Variants in MYOM2 observed in about 807,000 individuals in gnomAD.
MYOM2 encodes the protein myomesin 2.
MYOM2 carries 254 observed loss-of-function variants against 187.6 expected under a neutral mutation model. The ratio of observed to expected loss-of-function variants is 1.35; its 90% CI spans 1.22 to 1.50. The LOEUF (loss-of-function observed/expected upper bound fraction) is 1.50, where lower values mean the gene tolerates loss of function less well. Among genes scored for constraint, MYOM2 ranks in the 40% most tolerant of loss-of-function variants. The pLI is 0.00. For missense variants in MYOM2, 2,796 were observed against 1,924.0 expected, an observed-to-expected ratio of 1.45 and a Z score of -8.48; for synonymous variants, 981 against 753.8, an observed-to-expected ratio of 1.30 and a Z score of -4.94.
chr8:2,085,543 C>CCT (rs1554546497), intron 14 of MYOM2, among the ~76,000 whole-genome samples, 153 bp downstream of exon 14: 9 of 35,768 alleles, frequency 2.5e-4, no homozygotes, highest in African/African-American at 6.0e-4. Flanking sequence ...CTCTGCGTGG[C>CCT]CCCACTGTCA....
intron 32 of MYOM2, among the ~76,000 whole-genome samples, chr8:2,136,783 T>C (rs1054241647): frequency 2.0e-5 from 3 of 152,226 alleles, no homozygotes; most frequent in East Asian, 1.9e-4. Context: ...AAATTATGTT[T>C]CTTTTTCTGT....
At chr8:2,067,052 C>G (rs1032020331) in intron 6 of MYOM2, among the ~76,000 whole-genome samples, 7 of 152,130 alleles carry the variant, frequency 4.6e-5, no homozygotes, top group African/African-American at 9.7e-5. Context: ...ATGGTTTTAT[C>G]TGACATATTG....
In MYOM2 at chr8:2,056,260, A is replaced by G. The variant is rs149023711; in HGVS notation, c.264-1088A>G. On this transcript the variant is annotated intron_variant, in intron 3 of 36. Transcript: ENST00000262113. ...ATCTGAGATGGGTGTTGGAGGAAGG[A>G]TGGAGTTTTGATTGAAAGGGATGGC... 2.1e-3 allele frequency among the ~76,000 whole-genome samples: 321 copies of G among 152,242 alleles called. 3 individuals carry two copies. The highest frequency in any genetic ancestry group is 7.3e-3 in the African/African-American group (304 of 41,538).
Position 2,057,662 on chromosome 8 carries a change from G to C in MYOM2, c.442G>C (p.Glu148Gln). Residue 148 changes from glutamate to glutamine, a missense_variant, in exon 5 of 37, where the codon GAG (glutamate) becomes CAG (glutamine). Transcript: ENST00000262113. ...KLAWERHTFE[E>Q]RISRAPEILV... ...GGCCTGGGAGAGACACACATTTGAA[G>C]AGCGGATAAGCAGGGCTCCTGAGAT... 3.1e-6 allele frequency: 5 copies of C among 1,614,160 alleles called. No individual in the cohort carries two copies. The highest frequency in any genetic ancestry group is 1.3e-5 in the African/African-American group (1 of 75,044).
intron 5 of MYOM2, 33 bp from the exon 6 acceptor site, chr8:2,059,120 C>A: frequency 1.3e-6 from 2 of 1,586,984 alleles, no homozygotes; most frequent in Non-Finnish European, 1.7e-6. Flanking sequence ...TACAACTCTG[C>A]CTTTAAACTA....
intron 28 of MYOM2, among the ~76,000 whole-genome samples, chr8:2,122,685 G>A (rs1797497570): frequency 6.6e-6 from 1 of 152,142 alleles, no homozygotes; most frequent in South Asian, 2.1e-4. Flanking sequence ...GCCGGAGCAT[G>A]TGAATTGGAA....
At chr8:2,136,008 C>G (rs1348151505) in intron 32 of MYOM2, among the ~76,000 whole-genome samples, 1 of 152,188 alleles carries the variant, frequency 6.6e-6, no homozygotes, top group African/African-American at 2.4e-5. Flanking sequence ...GGGTTGCAGA[C>G]GCAGGGACAG....
chr8:2,112,078 T>G (rs1335240570), intron 25 of MYOM2, among the ~76,000 whole-genome samples: 1 of 152,142 alleles, frequency 6.6e-6, no homozygotes, highest in Non-Finnish European at 1.5e-5. Flanking sequence ...GCTTGGGCGG[T>G]CCTCTTCCTT....
Position 2,109,311 on chromosome 8 carries a change from A to C in MYOM2, c.3044-84A>C, listed in dbSNP as rs1007355634. 2.1e-6 allele frequency: 3 copies of C among 1,403,356 alleles called. No individual in the cohort carries two copies. The African/African-American group carries it at 4.4e-5, about 20-fold the overall frequency. 86.9% of individuals were successfully genotyped at this position (1,403,356 alleles called of 1,614,324 possible). The stretch of plus-strand genomic sequence containing the variant: ...CATTCTCAAAAATCTAATAACTAGG[A>C]TTGATATTTCCCTACAATTTGCAGG... On this transcript the variant is annotated intron_variant, in intron 24 of 36. Coordinates refer to ENST00000262113, the MANE Select transcript of MYOM2 (RefSeq NM_003970.4).
At chr8:2,065,468 G>T (rs376986599) in intron 6 of MYOM2, among the ~76,000 whole-genome samples, 16 of 152,254 alleles carry the variant, frequency 1.1e-4, no homozygotes, top group East Asian at 3.9e-4. Flanking sequence ...TACTCAGGAG[G>T]CTGAGGCAGG....
At chr8:2,130,572 A>G (rs994354417) in intron 32 of MYOM2, among the ~76,000 whole-genome samples, 1 of 152,238 alleles carries the variant, frequency 6.6e-6, no homozygotes, top group African/African-American at 2.4e-5. Flanking sequence ...AGTTGAAAGC[A>G]TGTATGTTCT....
chr8:2,108,205 C>A (rs1356459506), intron 23 of MYOM2, among the ~76,000 whole-genome samples: 3 of 151,976 alleles, frequency 2.0e-5, no homozygotes, highest in Admixed American at 6.5e-5. Flanking sequence ...GATTTTCTTA[C>A]CTTGCTCTTG....
intron 1 of MYOM2, among the ~76,000 whole-genome samples, chr8:2,049,873 G>A (rs1211673252): frequency 6.6e-6 from 1 of 152,090 alleles, no homozygotes; most frequent in African/African-American, 2.4e-5. Context: ...GAAAAAGATG[G>A]AACTCGCTCA....
chr8:2,070,390 C>A (rs146019846), intron 8 of MYOM2, among the ~76,000 whole-genome samples: 2 of 152,302 alleles, frequency 1.3e-5, no homozygotes, highest in Admixed American at 6.5e-5. Flanking sequence ...CCTCTGCTCG[C>A]GATTTCTGTG....
intron 1 of MYOM2, among the ~76,000 whole-genome samples, chr8:2,046,123 C>A (rs184295805): frequency 6.6e-6 from 1 of 152,364 alleles, no homozygotes; most frequent in East Asian, 1.9e-4. Flanking sequence ...CTCTAGAAAG[C>A]TTTAATTTGG....
At chr8:2,077,348 C>G (rs1280462052) in intron 11 of MYOM2, among the ~76,000 whole-genome samples, 1 of 151,720 alleles carries the variant, frequency 6.6e-6, no homozygotes, top group African/African-American at 2.4e-5. Context: ...AAAAACAAAA[C>G]AAAAAAACCA....
At chr8:2,093,785 A>G (rs1440419779) in intron 16 of MYOM2, among the ~76,000 whole-genome samples, 185 bp from the exon 17 acceptor site, 1 of 152,250 alleles carries the variant, frequency 6.6e-6, no homozygotes, top group Non-Finnish European at 1.5e-5. Flanking sequence ...AGCTCCTGCT[A>G]TAATTAGGTG....
chr8:2,120,680 T>TATATATAATATATA, intron 28 of MYOM2, among the ~76,000 whole-genome samples: 5 of 48,300 alleles, frequency 1.0e-4, no homozygotes. Context: ...ATATATTATA[T>TATATATAATATATA]TATATATAAA....
intron 23 of MYOM2, 71 bp from the exon 24 acceptor site, chr8:2,108,715 G>A (rs374896294): frequency 1.8e-5 from 26 of 1,457,488 alleles, no homozygotes; most frequent in South Asian, 2.3e-5. Flanking sequence ...CTCGTGTGTC[G>A]CCTTGCTGTT....
Sources: allele counts gnomAD v4.1 joint callset (sites outside exome capture counted in the v4.1 genomes callset), GRCh38; gene constraint gnomAD v4.1.1; transcripts MANE v1.5; gene names NCBI Gene and HGNC (gene_info 2026-07-23, HGNC 2026-07-21).